The following PCDH9 variants were observed in gnomAD, a reference collection of about 807,000 sequenced individuals.
PCDH9 encodes the protein protocadherin-9.
A neutral mutation model predicts 70.6 loss-of-function variants in PCDH9; 24 were observed. That is an observed-to-expected ratio of 0.34 (90% CI 0.25 to 0.48). The LOEUF (loss-of-function observed/expected upper bound fraction) is 0.48, where lower values mean the gene tolerates loss of function less well. Ranked by LOEUF, PCDH9 falls within the 20% of genes least tolerant of loss-of-function variation. The pLI is 0.99. For synonymous variants in PCDH9, 562 were observed against 558.5 expected (o/e 1.01, Z -0.09); for missense variants, 1,281 against 1,503.6 (o/e 0.85, Z 2.45).
At chr13:66,819,104 T>C (rs1307161595) in intron 3 of PCDH9, among the ~76,000 whole-genome samples, 1 of 152,078 alleles carries the variant, frequency 6.6e-6, no homozygotes, top group Non-Finnish European at 1.5e-5. Context: ...CCAACAGATA[T>C]ATTCCAGCTC....
At chr13:67,051,281 C>T (rs1011052923) in intron 2 of PCDH9, among the ~76,000 whole-genome samples, 1 of 151,214 alleles carries the variant, frequency 6.6e-6, no homozygotes, top group Non-Finnish European at 1.5e-5. Context: ...TTGAAATTAG[C>T]GTTGATTCAC....
At chr13:66,764,433 C>T (rs1306475244) in intron 3 of PCDH9, among the ~76,000 whole-genome samples, 1 of 151,862 alleles carries the variant, frequency 6.6e-6, no homozygotes, top group Non-Finnish European at 1.5e-5. Context: ...GTAAAACTTT[C>T]TATATAGATT....
At chr13:66,855,140 G>C (rs998133997) in intron 3 of PCDH9, among the ~76,000 whole-genome samples, 2 of 152,080 alleles carry the variant, frequency 1.3e-5, no homozygotes, top group Non-Finnish European at 2.9e-5. Flanking sequence ...AGGTGTAAAA[G>C]TGGGTTTGGC....
intron 4 of PCDH9, among the ~76,000 whole-genome samples, chr13:66,320,547 C>A (rs1325837833): frequency 6.6e-6 from 1 of 151,966 alleles, no homozygotes; most frequent in African/African-American, 2.4e-5. Flanking sequence ...CAAAATCAAT[C>A]ACTAAGAGTA....
intron 3 of PCDH9, among the ~76,000 whole-genome samples, chr13:66,779,843 C>CTATATATATATATA (rs1234220065): frequency 5.8e-4 from 18 of 31,008 alleles, no homozygotes; most frequent in South Asian, 1.6e-3. Flanking sequence ...CTCTCTCTCT[C>CTATATATATATATA]TCTCTCTATA....
At position 66,650,688 on chromosome 13, in the gene PCDH9, A is replaced by G. The variant is rs879905412; in HGVS notation, c.3139-19277T>C. 1.4e-4 allele frequency among the ~76,000 whole-genome samples: 22 copies of G among 152,000 alleles called. 1 individual carries two copies. The highest frequency in any genetic ancestry group is 1.3e-3 in the Admixed American group (20 of 15,254). Reference sequence around the variant, plus strand: ...TGTACACTATAGACCAAAAGGGCCTAATAGATATTATATAATATTTCATCC... The same window carrying G: ...TGTACACTATAGACCAAAAGGGCCTGATAGATATTATATAATATTTCATCC... On this transcript the variant is annotated intron_variant, in intron 3 of 4. Transcript: ENST00000377865.
chr13:66,620,763 C>A (rs1267031876), intron 4 of PCDH9, among the ~76,000 whole-genome samples: 1 of 151,832 alleles, frequency 6.6e-6, no homozygotes, highest in Admixed American at 6.6e-5. Flanking sequence ...GCTCATAGAA[C>A]AAAATTGCAA....
intron 2 of PCDH9, among the ~76,000 whole-genome samples, chr13:67,093,438 G>T (rs1594501888): frequency 6.6e-6 from 1 of 152,082 alleles, no homozygotes; most frequent in Non-Finnish European, 1.5e-5. Flanking sequence ...TGAGTGAAAA[G>T]AGTGAGACTC....
At chr13:66,529,167 G>A (rs1239903016) in intron 4 of PCDH9, among the ~76,000 whole-genome samples, 1 of 151,986 alleles carries the variant, frequency 6.6e-6, no homozygotes, top group Non-Finnish European at 1.5e-5. Context: ...GCACATAAAG[G>A]CCTCTGGGAA....
intron 3 of PCDH9, among the ~76,000 whole-genome samples, chr13:66,661,768 T>C (rs933177663): frequency 6.6e-6 from 1 of 152,218 alleles, no homozygotes; most frequent in Non-Finnish European, 1.5e-5. Flanking sequence ...GACTAACTTT[T>C]AAATATGCTA....
chr13:66,352,253 A>G (rs1956304740), intron 4 of PCDH9, among the ~76,000 whole-genome samples: 1 of 152,234 alleles, frequency 6.6e-6, no homozygotes, highest in African/African-American at 2.4e-5. Context: ...CATTCCAACC[A>G]AAGATACCTC....
chr13:66,905,159 G>T (rs185641661), intron 2 of PCDH9, among the ~76,000 whole-genome samples: 1 of 151,490 alleles, frequency 6.6e-6, no homozygotes, highest in Non-Finnish European at 1.5e-5. Context: ...AGCAACAAAG[G>T]CTTCACAGCA....
intron 4 of PCDH9, among the ~76,000 whole-genome samples, chr13:66,382,993 A>T (rs1426674814): frequency 1.3e-5 from 2 of 151,694 alleles, no homozygotes; most frequent in African/African-American, 4.9e-5. Flanking sequence ...ATGCCATTTC[A>T]CTCCAGCCTG....
chr13:67,204,052 T>G (rs2089281461), intron 2 of PCDH9: 3 of 152,102 alleles, frequency 2.0e-5, no homozygotes, highest in Non-Finnish European at 4.4e-5. Flanking sequence ...AGATATTTCA[T>G]AAAGCAAAAT....
At chr13:66,880,687 G>A (rs2081906899) in intron 3 of PCDH9, among the ~76,000 whole-genome samples, 1 of 152,072 alleles carries the variant, frequency 6.6e-6, no homozygotes, top group Non-Finnish European at 1.5e-5. Context: ...GCAAGAAAAA[G>A]GGATTCTTAG....
chr13:67,192,829 C>T (rs1169358913), intron 2 of PCDH9, among the ~76,000 whole-genome samples: 1 of 152,098 alleles, frequency 6.6e-6, no homozygotes, highest in Non-Finnish European at 1.5e-5. Context: ...ATACTTGGTC[C>T]CTTGTATCTT....
intron 2 of PCDH9, among the ~76,000 whole-genome samples, chr13:66,913,666 G>T (rs190501647): frequency 6.6e-6 from 1 of 151,896 alleles, no homozygotes; most frequent in Non-Finnish European, 1.5e-5. Flanking sequence ...CTCAAAACTT[G>T]ATAGATTTTT....
At chr13:67,109,097 C>T (rs2086604907) in intron 2 of PCDH9, among the ~76,000 whole-genome samples, 1 of 152,130 alleles carries the variant, frequency 6.6e-6, no homozygotes, top group Non-Finnish European at 1.5e-5. Flanking sequence ...CTTTCAGTGA[C>T]ACCTAACCCA....
chr13:66,327,553 A>G (rs1204615309), intron 4 of PCDH9, among the ~76,000 whole-genome samples: 1 of 152,172 alleles, frequency 6.6e-6, no homozygotes, highest in Non-Finnish European at 1.5e-5. Context: ...AAAAATAAGC[A>G]CTATGTAAGT....
Sources: allele counts gnomAD v4.1 joint callset (sites outside exome capture counted in the v4.1 genomes callset), GRCh38; gene constraint gnomAD v4.1.1; transcripts MANE v1.5; gene names NCBI Gene and HGNC (gene_info 2026-07-23, HGNC 2026-07-21).